KCND2: variants seen among roughly 807,000 people sequenced by gnomAD.
KCND2 encodes the protein A-type voltage-gated potassium channel KCND2.
Under a neutral mutation model 54.4 loss-of-function variants are expected in KCND2, and 16 were observed. The ratio of observed to expected loss-of-function variants is 0.29; its 90% CI spans 0.20 to 0.45. The LOEUF (loss-of-function observed/expected upper bound fraction) is 0.45, where lower values mean the gene tolerates loss of function less well. Ranked by LOEUF, KCND2 falls within the 20% of genes least tolerant of loss-of-function variation. The pLI, the probability that KCND2 is intolerant of heterozygous loss-of-function variation, is 1.00. For synonymous variants in KCND2, 317 were observed against 310.7 expected, an observed-to-expected ratio of 1.02 and a Z score of -0.21; for missense variants, 486 against 824.2, an observed-to-expected ratio of 0.59 and a Z score of 5.02.
intron 1 of KCND2, among the ~76,000 whole-genome samples, chr7:120,537,553 T>C (rs554330563): frequency 6.6e-6 from 1 of 152,228 alleles, no homozygotes; most frequent in African/African-American, 2.4e-5. Context: ...AAGTCCTAGA[T>C]GGCATCTTCT....
intron 1 of KCND2, among the ~76,000 whole-genome samples, chr7:120,461,992 T>A (rs927779434): frequency 6.6e-6 from 1 of 152,258 alleles, no homozygotes; most frequent in Non-Finnish European, 1.5e-5. Context: ...CACTTAGATA[T>A]AAGAAATGTC....
chr7:120,357,684 CA>C (rs58459054), intron 1 of KCND2, among the ~76,000 whole-genome samples: 2,212 of 142,808 alleles, frequency 0.015, 51 homozygotes, highest in African/African-American at 0.047. Context: ...ATGACTTAAA[CA>C]AAAAAAAAAA....
chr7:120,351,953 G>A (rs1399221657), intron 1 of KCND2, among the ~76,000 whole-genome samples: 2 of 151,100 alleles, frequency 1.3e-5, no homozygotes, highest in African/African-American at 2.4e-5. Context: ...CTGGGACTGC[G>A]GGCATGCACC....
chr7:120,359,771 G>C (rs1370888121), intron 1 of KCND2, among the ~76,000 whole-genome samples: 1 of 152,028 alleles, frequency 6.6e-6, no homozygotes, highest in Non-Finnish European at 1.5e-5. Context: ...TCGAAGGAGG[G>C]ACCAGAAGGG....
intron 1 of KCND2, among the ~76,000 whole-genome samples, chr7:120,480,414 A>G (rs1802591416): frequency 6.6e-6 from 1 of 152,190 alleles, no homozygotes; most frequent in Admixed American, 6.5e-5. Flanking sequence ...TAAGGTTTAA[A>G]CTGATGAGAT....
intron 1 of KCND2, among the ~76,000 whole-genome samples, chr7:120,594,290 T>C (rs747305593): frequency 1.4e-4 from 22 of 152,218 alleles, no homozygotes; most frequent in Admixed American, 7.2e-4. Context: ...CCTAGGTAGA[T>C]AGTGGAACCC....
intron 1 of KCND2, among the ~76,000 whole-genome samples, chr7:120,530,451 C>T (rs902962889): frequency 6.6e-6 from 1 of 152,174 alleles, no homozygotes; most frequent in Non-Finnish European, 1.5e-5. Flanking sequence ...CATTATTACC[C>T]ACCATCCTTC....
At chr7:120,650,532 G>GT (rs1350626688) in intron 1 of KCND2, among the ~76,000 whole-genome samples, 1 of 142,836 alleles carries the variant, frequency 7.0e-6, no homozygotes, top group Non-Finnish European at 1.5e-5. Context: ...TTTTTTCAAG[G>GT]TTTTTAGCTT....
intron 1 of KCND2, among the ~76,000 whole-genome samples, chr7:120,709,962 C>G (rs1792517653): frequency 6.6e-6 from 1 of 152,132 alleles, no homozygotes; most frequent in East Asian, 1.9e-4. Flanking sequence ...TTGCAAAACA[C>G]AAGCTCAAAG....
chr7:120,328,184 C>G (rs558037822), intron 1 of KCND2, among the ~76,000 whole-genome samples: 2 of 152,156 alleles, frequency 1.3e-5, no homozygotes, highest in East Asian at 3.9e-4. Flanking sequence ...GTTTCCATTG[C>G]TTAGTTCCAT....
chr7:120,318,530 G>A (rs1372868257), intron 1 of KCND2, among the ~76,000 whole-genome samples: 1 of 151,890 alleles, frequency 6.6e-6, no homozygotes, highest in Admixed American at 6.6e-5. Context: ...TATGTGTTTG[G>A]CAACATATTT....
chr7:120,287,058 A>G (rs2116267611), intron 1 of KCND2, among the ~76,000 whole-genome samples: 1 of 152,202 alleles, frequency 6.6e-6, no homozygotes, highest in East Asian at 1.9e-4. Flanking sequence ...AGAGTTTTTT[A>G]GAGAATACTA....
intron 1 of KCND2, among the ~76,000 whole-genome samples, chr7:120,535,861 A>C (rs897066666): frequency 6.6e-6 from 1 of 152,126 alleles, no homozygotes; most frequent in Admixed American, 6.6e-5. Flanking sequence ...AGACCCTTGC[A>C]TAGTCCATAA....
At chr7:120,526,067 A>G (rs148715972) in intron 1 of KCND2, among the ~76,000 whole-genome samples, 8 of 152,146 alleles carry the variant, frequency 5.3e-5, no homozygotes, top group South Asian at 4.1e-4. Context: ...ACAGTATAAC[A>G]TAAGTCACTC....
At chr7:120,408,568 A>G (rs541169812) in intron 1 of KCND2, among the ~76,000 whole-genome samples, 12 of 152,060 alleles carry the variant, frequency 7.9e-5, no homozygotes, top group African/African-American at 2.9e-4. Context: ...TAAGACTCGA[A>G]TTATGCAAAT....
intron 1 of KCND2, among the ~76,000 whole-genome samples, chr7:120,600,849 C>A (rs1305312844): frequency 6.6e-6 from 1 of 151,958 alleles, no homozygotes; most frequent in Non-Finnish European, 1.5e-5. Context: ...AACTGAACAA[C>A]TCAATGAATC....
chr7:120,723,717 A>C (rs1314844047), intron 1 of KCND2, among the ~76,000 whole-genome samples: 1 of 152,186 alleles, frequency 6.6e-6, no homozygotes, highest in Non-Finnish European at 1.5e-5. Flanking sequence ...CAACATAGTG[A>C]GACCTTGTCT....
intron 1 of KCND2, among the ~76,000 whole-genome samples, chr7:120,604,504 AAATAACAATAATAATAAT>A (rs1469297014): frequency 0.031 from 2,534 of 82,678 alleles, 82 homozygotes; most frequent in African/African-American, 0.1. Context: ...CTCCATCTAA[AAATAACAATAATAATAAT>A]AATAATAATA....
intron 1 of KCND2, among the ~76,000 whole-genome samples, chr7:120,502,850 G>A (rs577621044): frequency 1.3e-5 from 2 of 152,112 alleles, no homozygotes; most frequent in African/African-American, 4.8e-5. Context: ...GTGAGGTGAA[G>A]TGGGAATCGC....
Sources: allele counts gnomAD v4.1 joint callset (sites outside exome capture counted in the v4.1 genomes callset), GRCh38; gene constraint gnomAD v4.1.1; transcripts MANE v1.5; gene names NCBI Gene and HGNC (gene_info 2026-07-23, HGNC 2026-07-21).